Variants in WDFY3 observed in about 807,000 individuals in gnomAD.
WDFY3 encodes the protein WD repeat and FYVE domain-containing protein 3.
Under a neutral mutation model 409.6 loss-of-function variants are expected in WDFY3, and 66 were observed. That is an observed-to-expected ratio of 0.16 (90% CI 0.13 to 0.20). The LOEUF (loss-of-function observed/expected upper bound fraction) is 0.20. Ranked by LOEUF, WDFY3 falls within the 10% of genes least tolerant of loss-of-function variation. The pLI is 1.00. For missense variants in WDFY3, 3,031 were observed against 4,298.1 expected (o/e 0.71, Z 8.24); for synonymous variants, 1,521 against 1,537.1 (o/e 0.99, Z 0.25).
intron 13 of WDFY3, among the ~76,000 whole-genome samples, chr4:84,815,285 T>C (rs1162530056): frequency 6.6e-6 from 1 of 152,144 alleles, no homozygotes; most frequent in Non-Finnish European, 1.5e-5. Flanking sequence ...TTCATTCAGA[T>C]TCTTGAAAAA....
intron 60 of WDFY3, among the ~76,000 whole-genome samples, chr4:84,691,348 G>A (rs1560536812): frequency 6.6e-6 from 1 of 152,110 alleles, no homozygotes; most frequent in Non-Finnish European, 1.5e-5. Flanking sequence ...AGGATCTCTC[G>A]GAGGAATTCT....
chr4:84,904,514 T>C (rs1766768327), intron 2 of WDFY3, among the ~76,000 whole-genome samples: 1 of 152,214 alleles, frequency 6.6e-6, no homozygotes, highest in Non-Finnish European at 1.5e-5. Context: ...TTCTCATCTA[T>C]TACAGTACCA....
chr4:84,961,750 C>T (rs929603569), intron 1 of WDFY3, among the ~76,000 whole-genome samples: 6 of 152,084 alleles, frequency 3.9e-5, no homozygotes, highest in Non-Finnish European at 7.4e-5. Flanking sequence ...GAGATCACTA[C>T]ACATATAATA....
At chr4:84,965,791 G>T (rs1027317296) in intron 1 of WDFY3, 2 of 152,408 alleles carry the variant, frequency 1.3e-5, no homozygotes, top group African/African-American at 4.8e-5. Context: ...ATGCAGCGGG[G>T]GGGGGCCAGG....
rs1733227317 is a variant in WDFY3, at chr4:84,713,121, A to G, written c.8042+38T>C. ...TCCAGATATGAATCATCCCAACTTC[A>G]CTATTAAACTGTAACATGCAAGGAA... On this transcript the variant is annotated intron_variant, in intron 51 of 67. Coordinates refer to ENST00000295888, the MANE Select transcript of WDFY3 (RefSeq NM_014991.6). 2.5e-6 allele frequency: 4 copies of G among 1,593,806 alleles called. No homozygotes were observed. In the East Asian group the frequency reaches 8.9e-5, roughly 36 times the overall value.
At chr4:84,732,888 G>GC (rs1222758587) in intron 44 of WDFY3, among the ~76,000 whole-genome samples, 1 of 152,158 alleles carries the variant, frequency 6.6e-6, no homozygotes, top group Non-Finnish European at 1.5e-5. Flanking sequence ...AAAACAAGAG[G>GC]CATTGGAACA....
At chr4:84,728,256 C>T (rs1249884245) in intron 44 of WDFY3, among the ~76,000 whole-genome samples, 4 of 152,048 alleles carry the variant, frequency 2.6e-5, no homozygotes, top group Non-Finnish European at 5.9e-5. Context: ...GGACCAGGAG[C>T]GGTGGCTCAC....
intron 44 of WDFY3, among the ~76,000 whole-genome samples, chr4:84,729,001 C>A (rs1346424325): frequency 2.6e-5 from 4 of 151,930 alleles, no homozygotes; most frequent in Non-Finnish European, 5.9e-5. Context: ...AGTCTTGTGA[C>A]ATTTATACAT....
At chr4:84,738,944 G>T (rs757763249) in intron 40 of WDFY3, 66 bp downstream of exon 40, 282 of 1,551,848 alleles carry the variant, frequency 1.8e-4, no homozygotes, top group Non-Finnish European at 2.1e-4. Flanking sequence ...CAATTTGTTG[G>T]TTATGTCTTA....
intron 30 of WDFY3, among the ~76,000 whole-genome samples, chr4:84,771,608 A>G (rs958080306): frequency 5.3e-5 from 8 of 152,262 alleles, no homozygotes; most frequent in Admixed American, 5.2e-4. Flanking sequence ...TGTTTAGACT[A>G]CCTGGGTTCC....
chr4:84,739,061 T>A lies in WDFY3; in HGVS notation c.6523A>T (p.Ile2175Phe). 1 of 1,614,156 alleles carries A rather than the reference T, an allele frequency of 6.2e-7. No homozygotes were observed. Among genetic ancestry groups the A allele is most frequent in the Non-Finnish European group, 8.5e-7 (1 of 1,179,984 alleles). ...CCATCTGGTTCAATGTCCGAGGGGA[T>A]CATAATGTGCCATGTGGTCATGCGG... Reference protein sequence around the residue: ...EARMTTWHIMIPSDIEPDGSY... With the variant: ...EARMTTWHIMFPSDIEPDGSY... Residue 2175 changes from isoleucine to phenylalanine, a missense_variant, in exon 40 of 68, where the codon ATC (isoleucine) becomes TTC (phenylalanine). This residue lies in a region of WDFY3 where 314 missense variants were observed against 397.4 expected (regional missense o/e 0.79). Transcript: ENST00000295888.
chr4:84,753,663 T>A, intron 35 of WDFY3, 34 bp downstream of exon 35: 1 of 1,519,440 alleles, frequency 6.6e-7, no homozygotes, highest in Middle Eastern at 1.8e-4. Flanking sequence ...GACATTCTAA[T>A]TCCAGTTCTG....
intron 58 of WDFY3, among the ~76,000 whole-genome samples, chr4:84,693,895 C>CAAAAA (rs35165784): frequency 1.2e-5 from 1 of 80,030 alleles, no homozygotes. Flanking sequence ...GACTCCGTCT[C>CAAAAA]AAAAAAAAAA....
In WDFY3 at chr4:84,755,336, G is replaced by C. The variant is rs3098927; in HGVS notation, c.5489C>G (p.Ser1830Cys). Residue 1830 changes from serine to cysteine, a missense_variant, in exon 34 of 68, where the codon TCT becomes TGT. Ser to Cys is a moderately radical substitution (Grantham distance 112). Around this residue, in one of 16 missense-constraint regions of WDFY3, gnomAD observed 342 missense variants for 463.7 expected, o/e 0.74. Coordinates refer to ENST00000295888, the MANE Select transcript of WDFY3 (RefSeq NM_014991.6). ...TTCTGTGCATACGTTATGGATAGAA[G>C]AGACCACAGTTCCGCTGGAGGCAGG... ...GVPASSGTVV[S>C]SIHNVCTEAV... 3.7e-6 allele frequency: 6 copies of C among 1,612,682 alleles called. No individual in the cohort carries two copies. The highest frequency in any genetic ancestry group is 5.1e-6 in the Non-Finnish European group (6 of 1,179,756).
chr4:84,903,881 C>G (rs1487311142), intron 2 of WDFY3, among the ~76,000 whole-genome samples: 1 of 152,138 alleles, frequency 6.6e-6, no homozygotes, highest in Non-Finnish European at 1.5e-5. Context: ...CCCTATCTGT[C>G]TGTCTGTCTG....
intron 1 of WDFY3, among the ~76,000 whole-genome samples, chr4:84,961,012 C>T (rs1579303004): frequency 1.3e-5 from 2 of 151,970 alleles, no homozygotes; most frequent in South Asian, 2.1e-4. Flanking sequence ...GTCAGGAATT[C>T]GAGACCAGCC....
chr4:84,741,903 G>A lies in WDFY3; in HGVS notation c.6092C>T (p.Pro2031Leu). Residue 2031 changes from proline to leucine, a missense_variant, in exon 38 of 68, where the codon CCT becomes CTT. This residue lies in a region of WDFY3 where 314 missense variants were observed against 397.4 expected (regional missense o/e 0.79). Transcript: ENST00000295888. Reference sequence around the variant, plus strand: ...CTGGTAGCTTCCTCCACTGGTAATAGGCAGAGATGCATCTTCCCCTAAATT... The same window carrying A: ...CTGGTAGCTTCCTCCACTGGTAATAAGCAGAGATGCATCTTCCCCTAAATT... ...DVLLGEDASLPITSGGSYQVL... is the reference protein window; with the variant it reads ...DVLLGEDASLLITSGGSYQVL... 6.3e-7 allele frequency: 1 copy of A among 1,594,054 alleles called. No individual in the cohort carries two copies. The highest frequency in any genetic ancestry group is 1.3e-5 in the African/African-American group (1 of 74,520).
rs1775772727 is a variant in WDFY3 at position 84,966,432 on chromosome 4, AGGCAGCAGG to A, written c.-458_-450del. On this transcript the variant is annotated 5_prime_UTR_variant, in exon 1 of 68. Transcript: ENST00000295888. ...GTCCGCCGGGCCAGGCAGCGGTGCTAGGCAGCAGGGGCAGCGACGCCGCCGCCTTTCCCT... is the reference window on the plus strand; with the variant it reads ...GTCCGCCGGGCCAGGCAGCGGTGCTAGGCAGCGACGCCGCCGCCTTTCCCT... The A allele has an allele frequency of 1.3e-5, 2 of 153,628 alleles. No homozygotes were observed. Among genetic ancestry groups the A allele is most frequent in the Admixed American group, 1.3e-4 (2 of 15,274 alleles). 9.5% of individuals were successfully genotyped at this position (153,628 alleles called of 1,614,324 possible).
chr4:84,820,247 GT>G, intron 11 of WDFY3, 61 bp from the exon 12 acceptor site: 1 of 1,302,928 alleles, frequency 7.7e-7, no homozygotes, highest in South Asian at 1.4e-5. Flanking sequence ...TCTTGATTCC[GT>G]TTTACTGTAA....
Sources: gnomAD v4.1 joint callset for allele counts (sites outside exome capture counted in the v4.1 genomes callset) on GRCh38, gnomAD v4.1.1 for gene constraint, gnomAD v4.1.1 regional missense constraint, MANE v1.5 for transcripts, NCBI Gene and HGNC (gene_info 2026-07-23, HGNC 2026-07-21) for gene names.